Variants in GNS observed in about 807,000 individuals in gnomAD.
GNS encodes the protein glucosamine (N-acetyl)-6-sulfatase.
A neutral mutation model predicts 69.7 loss-of-function variants in GNS; 40 were observed. The observed-to-expected ratio is 0.57, with a 90% confidence interval of 0.45 to 0.75. The LOEUF (loss-of-function observed/expected upper bound fraction) is 0.75, where lower values mean the gene tolerates loss of function less well. GNS is among the 30% of genes least tolerant of loss of function. The pLI is 0.00. For missense variants in GNS, 565 were observed against 685.5 expected (o/e 0.82, Z 1.96); for synonymous variants, 243 against 251.6 (o/e 0.97, Z 0.32).
At chr12:64,723,339 T>A (rs1869092729) in intron 10 of GNS, among the ~76,000 whole-genome samples, 2 of 152,164 alleles carry the variant, frequency 1.3e-5, no homozygotes, top group Admixed American at 1.3e-4. Flanking sequence ...ATTTAATAGT[T>A]CCTTCCCAAG....
At chr12:64,728,040 C>T (rs1336743154) in intron 10 of GNS, among the ~76,000 whole-genome samples, 4 of 152,196 alleles carry the variant, frequency 2.6e-5, no homozygotes, top group Non-Finnish European at 5.9e-5. Flanking sequence ...TCTTCTGCCT[C>T]AGCCTCCCGA....
Position 64,745,164 on chromosome 12 carries a change from G to A in GNS, c.526-257C>T, listed in dbSNP as rs12301663. On this transcript the variant is annotated intron_variant, in intron 4 of 13. Transcript: ENST00000258145. ...CTTTGCTAAACCTTGTACAATGCAG[G>A]AAAAACATCCCAGAAAGGAGTGACT... is the stretch of plus-strand genomic sequence containing the variant. 0.043 allele frequency among the ~76,000 whole-genome samples: 6,206 copies of A among 145,300 alleles called. 422 individuals carry two copies. Among genetic ancestry groups the A allele is most frequent in the African/African-American group, 0.14 (5,680 of 39,394 alleles).
In GNS at chr12:64,715,516, C is replaced by T. The variant is rs1026674643; in HGVS notation, c.*1225G>A. 2.0e-5 allele frequency: 3 copies of T among 153,750 alleles called. No individual in the cohort carries two copies. Among genetic ancestry groups the T allele is most frequent in the African/African-American group, 7.2e-5 (3 of 41,432 alleles). 9.5% of individuals were successfully genotyped at this position (153,750 alleles called of 1,614,324 possible). On this transcript the variant is annotated 3_prime_UTR_variant, in exon 14 of 14. Transcript: ENST00000258145. ...CTGGGTGACATAGTGAGACTCTGTCCCCACTTCTCAAAAATAAAAACATTT... is the reference window on the plus strand; with the variant it reads ...CTGGGTGACATAGTGAGACTCTGTCTCCACTTCTCAAAAATAAAAACATTT...
intron 9 of GNS, 118 bp downstream of exon 9, chr12:64,736,886 T>C (rs957857930): frequency 8.5e-6 from 6 of 702,350 alleles, no homozygotes; most frequent in East Asian, 7.7e-5. Context: ...TTAAAAACTC[T>C]TCTGCTGCTC....
chr12:64,719,151 G>C (rs1015589526), intron 13 of GNS, among the ~76,000 whole-genome samples: 5 of 152,164 alleles, frequency 3.3e-5, no homozygotes, highest in Non-Finnish European at 5.9e-5. Context: ...AGCAAACAAT[G>C]AACAGTCTAT....
At position 64,716,630 on chromosome 12, in the gene GNS, C is replaced by A; in HGVS notation, c.*111G>T. On this transcript the variant is annotated 3_prime_UTR_variant, in exon 14 of 14. Transcript: ENST00000258145. ...TTTTTCAAACAGGACTTAAAGCCAG[C>A]CCAGAAACTCTTCCAGGTGTGGTCT... 2 of 788,766 alleles carry A rather than the reference C, an allele frequency of 2.5e-6. 1 individual carries two copies. The highest frequency in any genetic ancestry group is 2.9e-5 in the South Asian group (2 of 69,778). 48.9% of individuals were successfully genotyped at this position (788,766 alleles called of 1,614,324 possible). A position where few individuals can be genotyped will look rare whatever the true frequency, so the allele number is the denominator to read the frequency against.
chr12:64,742,713 T>G (rs990443981), intron 6 of GNS, among the ~76,000 whole-genome samples: 2 of 152,210 alleles, frequency 1.3e-5, no homozygotes, highest in Non-Finnish European at 2.9e-5. Flanking sequence ...TTCTTAATCA[T>G]GTCACCTCGT....
chr12:64,721,612 C>T lies in GNS; in HGVS notation c.1402G>A (p.Glu468Lys), dbSNP rs772736059. The change falls in exon 12 of 14, where the codon GAG becomes AAG. Residue 468 changes from glutamate to lysine, a missense_variant. Coordinates refer to ENST00000258145, the MANE Select transcript of GNS (RefSeq NM_002076.4). ...CCTCTTACCTCCTGGTCATCAAACT[C>T]GCAATACTGCAAATTCCACAATGCT... ...MSALWNLQYC[E>K]FDDQEVFVEV... 5 of 1,553,942 alleles carry T rather than the reference C, an allele frequency of 3.2e-6. No individual in the cohort carries two copies. Among genetic ancestry groups the T allele is most frequent in the East Asian group, 2.2e-5 (1 of 44,578 alleles).
intron 13 of GNS, among the ~76,000 whole-genome samples, chr12:64,718,686 G>A (rs1868936310): frequency 6.6e-6 from 1 of 152,212 alleles, no homozygotes; most frequent in East Asian, 1.9e-4. Flanking sequence ...TAATCCAAGA[G>A]GTCCAGTCCC....
chr12:64,752,978 G>A (rs1870127678), intron 1 of GNS: 1 of 579,328 alleles, frequency 1.7e-6, no homozygotes, highest in Admixed American at 3.1e-5. Context: ...TTGCAGGAAG[G>A]GAAAGTTCAG....
chr12:64,720,018 TTAC>T lies in GNS; in HGVS notation c.1580+1_1580+3del. ...CCAAGTAAATGAAGAGAAAGGAAAC[TTAC>T]CCGGGGTCAAAAACCCCTGGAGTGC... On this transcript the variant is annotated splice_donor_variant and splice_donor_region_variant and intron_variant, in intron 13 of 13. Transcript: ENST00000258145. LOFTEE classifies it high-confidence loss of function. The T allele has an allele frequency of 6.2e-7, 1 of 1,609,718 alleles. No individual in the cohort carries two copies. Among genetic ancestry groups the T allele is most frequent in the Non-Finnish European group, 8.5e-7 (1 of 1,176,102 alleles).
At chr12:64,758,944 G>T (rs533798539) in intron 1 of GNS, 141 bp downstream of exon 1, 4 of 732,784 alleles carry the variant, frequency 5.5e-6, no homozygotes, top group African/African-American at 5.2e-5. Flanking sequence ...CGGCATAAAG[G>T]GCCTCAGGTG....
At chr12:64,757,040 G>A (rs748383375) in intron 1 of GNS, among the ~76,000 whole-genome samples, 4 of 152,112 alleles carry the variant, frequency 2.6e-5, no homozygotes, top group African/African-American at 7.2e-5. Context: ...TTAGCTGGAC[G>A]TAGTGACATG....
At chr12:64,752,864 TG>T in intron 1 of GNS, 107 bp from the exon 2 acceptor site, 1 of 722,256 alleles carries the variant, frequency 1.4e-6, no homozygotes, top group Non-Finnish European at 2.5e-6. Flanking sequence ...TATTCCCAAA[TG>T]GTCAGCTCTA....
Position 64,714,569 on chromosome 12 carries a change from A to G in GNS, c.*2172T>C, listed in dbSNP as rs571468415. 1 of 152,298 alleles carries G rather than the reference A, an allele frequency of 6.6e-6. No homozygotes were observed. The highest frequency in any genetic ancestry group is 1.9e-4 in the East Asian group (1 of 5,174). 9.4% of individuals were successfully genotyped at this position (152,298 alleles called of 1,614,324 possible). A position where few individuals can be genotyped will look rare whatever the true frequency, so the allele number is the denominator to read the frequency against. On this transcript the variant is annotated 3_prime_UTR_variant, in exon 14 of 14. Coordinates refer to ENST00000258145, the MANE Select transcript of GNS (RefSeq NM_002076.4). ...AAATATACCAAAAATAGAAGAGCGT[A>G]GAGAGGGCTGCACCACATCCTACCA... is the stretch of plus-strand genomic sequence containing the variant.
At chr12:64,723,838 G>A (rs1869109440) in intron 10 of GNS, among the ~76,000 whole-genome samples, 1 of 152,204 alleles carries the variant, frequency 6.6e-6, no homozygotes, top group Non-Finnish European at 1.5e-5. Context: ...AGTGAGGGTG[G>A]AGAGGCAGGC....
At chr12:64,720,793 G>A (rs1158220231) in intron 12 of GNS, among the ~76,000 whole-genome samples, 1 of 152,140 alleles carries the variant, frequency 6.6e-6, no homozygotes, top group African/African-American at 2.4e-5. Flanking sequence ...TCTCCAAATT[G>A]GAGTCAAATG....
intron 9 of GNS, among the ~76,000 whole-genome samples, chr12:64,729,602 A>G (rs530901338): frequency 6.6e-6 from 1 of 152,246 alleles, no homozygotes; most frequent in Non-Finnish European, 1.5e-5. Flanking sequence ...CCAAAAATGT[A>G]GCAATAAAAG....
intron 6 of GNS, among the ~76,000 whole-genome samples, chr12:64,741,590 T>C (rs1000102400): frequency 6.7e-4 from 102 of 152,042 alleles, no homozygotes; most frequent in East Asian, 4.7e-3. Context: ...CTGGTCTACC[T>C]TCCTCTAAGT....
Sources: gnomAD v4.1 joint callset for allele counts (sites outside exome capture counted in the v4.1 genomes callset) on GRCh38, gnomAD v4.1.1 for gene constraint, MANE v1.5 for transcripts, NCBI Gene and HGNC (gene_info 2026-07-23, HGNC 2026-07-21) for gene names.